Variants in RAB5B observed in about 807,000 individuals in gnomAD.
The protein encoded by RAB5B is RAB5B, member RAS oncogene family, also known as ras-related protein Rab-5B.
In RAB5B, 11 loss-of-function variants were observed where a neutral mutation model predicts 28.6. The observed-to-expected ratio is 0.38, with a 90% CI of 0.24 to 0.64. The LOEUF is 0.64. Ranked by LOEUF, RAB5B falls within the 30% of genes least tolerant of loss-of-function variation. The pLI is 0.53. For missense variants in RAB5B, 169 were observed against 265.6 expected, an observed-to-expected ratio of 0.64 and a Z score of 2.53; for synonymous variants, 93 against 97.9, an observed-to-expected ratio of 0.95 and a Z score of 0.29.
rs1592791904 is a variant in RAB5B at position 55,977,091 on chromosome 12, C to G, written c.-93+2952C>G. Among the ~76,000 whole-genome samples the G allele has an allele frequency of 7.9e-5, 12 of 152,304 alleles. 1 individual carries two copies. In the South Asian group the frequency reaches 2.3e-3, roughly 29 times the overall value. ...CTAGGTTCACGCGATTCTCCTGCCT[C>G]AGCCTCCAGAGTAGCTGGGATTACA... On this transcript the variant is annotated intron_variant, in intron 1 of 5. Transcript: ENST00000360299.
intron 1 of RAB5B, among the ~76,000 whole-genome samples, chr12:55,979,078 TAC>T (rs1889728311): frequency 1.3e-5 from 2 of 152,248 alleles, no homozygotes; most frequent in South Asian, 2.1e-4. Context: ...TGGCCAGAAA[TAC>T]AGTCTTAATA....
rs1443912291 is a variant in RAB5B at position 55,996,650 on chromosome 12, T to G, written c.*4438T>G. 3 of 152,186 alleles carry G rather than the reference T, an allele frequency of 2.0e-5. No homozygotes were observed. The highest frequency in any genetic ancestry group is 4.4e-5 in the Non-Finnish European group (3 of 68,042). 9.4% of individuals were successfully genotyped at this position (152,186 alleles called of 1,614,324 possible). A position where few individuals can be genotyped will look rare whatever the true frequency, so the allele number is the denominator to read the frequency against. On this transcript the variant is annotated 3_prime_UTR_variant, in exon 6 of 6. Coordinates refer to ENST00000360299, the MANE Select transcript of RAB5B (RefSeq NM_002868.4). ...TGCCACCAAGGGGCGATTATTATTT[T>G]TTTTTTCTACGCAAAATAAAAGACG...
chr12:55,976,735 G>C (rs927701170), intron 1 of RAB5B, among the ~76,000 whole-genome samples: 2 of 152,180 alleles, frequency 1.3e-5, no homozygotes, highest in Non-Finnish European at 2.9e-5. Flanking sequence ...GTGTCTTTCT[G>C]TAGGGATCTG....
chr12:55,990,513 C>A (rs1334624211), intron 3 of RAB5B, among the ~76,000 whole-genome samples, 169 bp from the exon 4 acceptor site: 2 of 151,934 alleles, frequency 1.3e-5, no homozygotes, highest in Non-Finnish European at 2.9e-5. Context: ...AATAAGAGTA[C>A]AAATTATGCT....
chr12:55,990,919 C>CACCG, intron 4 of RAB5B, 115 bp downstream of exon 4: 1 of 1,303,778 alleles, frequency 7.7e-7, no homozygotes, highest in Non-Finnish European at 1.1e-6. Flanking sequence ...TCTCATTCCC[C>CACCG]AGTTCTACAC....
intron 1 of RAB5B, among the ~76,000 whole-genome samples, chr12:55,978,857 C>T (rs545134300): frequency 3.3e-5 from 5 of 151,680 alleles, no homozygotes; most frequent in African/African-American, 1.2e-4. Context: ...ACTGCAACCT[C>T]CGCCTCCCGG....
Position 55,985,778 on chromosome 12 carries a change from T to C in RAB5B, c.-92-1091T>C, listed in dbSNP as rs540561314. The C allele has an allele frequency of 9.4e-4, 429 of 455,398 alleles. 3 individuals carry two copies. The highest frequency in any genetic ancestry group is 7.7e-3 in the African/African-American group (386 of 50,138). 28.2% of individuals were successfully genotyped at this position (455,398 alleles called of 1,614,324 possible). A position where few individuals can be genotyped will look rare whatever the true frequency, so the allele number is the denominator to read the frequency against. On this transcript the variant is annotated intron_variant, in intron 1 of 5. Transcript: ENST00000360299. The stretch of plus-strand genomic sequence containing the variant: ...GGCTACAGCTGTTAGGCCCCTTTGG[T>C]GTGGAGGGTAATCTAATCCCTAGGC...
intron 5 of RAB5B, 111 bp from the exon 6 acceptor site, chr12:55,991,986 C>T (rs1279100596): frequency 2.8e-6 from 2 of 725,242 alleles, no homozygotes; most frequent in East Asian, 2.7e-5. Flanking sequence ...TTCTTTTAAT[C>T]TCTCAAATTC....
At chr12:55,992,001 T>G in intron 5 of RAB5B, 96 bp from the exon 6 acceptor site, 2 of 829,556 alleles carry the variant, frequency 2.4e-6, no homozygotes, top group Non-Finnish European at 3.9e-6. Context: ...AAATTCTCCC[T>G]TTTCCCCAAT....
At chr12:55,987,849 C>A (rs1487875398) in intron 2 of RAB5B, among the ~76,000 whole-genome samples, 3 of 141,744 alleles carry the variant, frequency 2.1e-5, no homozygotes, top group Non-Finnish European at 4.6e-5. Flanking sequence ...AAAAAAAAAT[C>A]AAAATCTGGT....
chr12:55,974,324 TG>T (rs2136466245), intron 1 of RAB5B, among the ~76,000 whole-genome samples, 185 bp downstream of exon 1: 1 of 152,128 alleles, frequency 6.6e-6, no homozygotes, highest in African/African-American at 2.4e-5. Context: ...CTGGGCGGCC[TG>T]GGACCCCGAA....
At chr12:55,986,840 T>G in intron 1 of RAB5B, 29 bp from the exon 2 acceptor site, 1 of 776,724 alleles carries the variant, frequency 1.3e-6, no homozygotes, top group Non-Finnish European at 2.2e-6. Flanking sequence ...GGACGTATGT[T>G]TAATTTTATT....
chr12:55,992,072 T>C (rs745851508), intron 5 of RAB5B, 25 bp from the exon 6 acceptor site: 123 of 1,592,168 alleles, frequency 7.7e-5, no homozygotes, highest in Non-Finnish European at 5.2e-6. Context: ...TACCATACTT[T>C]GTTCTCTTCT....
intron 2 of RAB5B, among the ~76,000 whole-genome samples, chr12:55,989,166 T>C (rs1890038701): frequency 6.6e-6 from 1 of 151,898 alleles, no homozygotes; most frequent in South Asian, 2.1e-4. Flanking sequence ...GGTCTCGAAC[T>C]CCTGACCTCA....
intron 5 of RAB5B, chr12:55,991,696 A>G (rs768133330): frequency 4.4e-5 from 20 of 451,734 alleles, no homozygotes; most frequent in Non-Finnish European, 8.2e-5. Flanking sequence ...TGGGAGGCCG[A>G]GGCGGGCGGA....
At chr12:55,978,210 C>T (rs1219909134) in intron 1 of RAB5B, among the ~76,000 whole-genome samples, 1 of 152,074 alleles carries the variant, frequency 6.6e-6, no homozygotes, top group Non-Finnish European at 1.5e-5. Context: ...AAAAATATTC[C>T]CAAATGGGGC....
intron 1 of RAB5B, chr12:55,981,064 G>T: frequency 6.3e-7 from 1 of 1,588,714 alleles, no homozygotes; most frequent in South Asian, 1.1e-5. Context: ...GGGAAGGGAT[G>T]GGGCTATTTA....
intron 5 of RAB5B, 191 bp downstream of exon 5, chr12:55,991,644 G>C: frequency 1.8e-6 from 1 of 541,322 alleles, no homozygotes. Flanking sequence ...GTGTAAGTTT[G>C]CCGGCCAGGT....
intron 1 of RAB5B, 99 bp from the exon 2 acceptor site, chr12:55,986,770 C>T (rs1889962054): frequency 3.3e-6 from 2 of 609,792 alleles, no homozygotes; most frequent in Admixed American, 2.7e-5. Flanking sequence ...GCTAAGTCCT[C>T]ATAGAAGCAA....
Sources: allele counts gnomAD v4.1 joint callset (sites outside exome capture counted in the v4.1 genomes callset), GRCh38; gene constraint gnomAD v4.1.1; transcripts MANE v1.5; gene names NCBI Gene and HGNC (gene_info 2026-07-23, HGNC 2026-07-21).